The following TUBGCP5 variants were observed in gnomAD, a reference collection of about 807,000 sequenced individuals.
TUBGCP5 encodes tubulin gamma complex component 5, also known as gamma-tubulin complex component 5.
A neutral mutation model predicts 134.7 loss-of-function variants in TUBGCP5; 98 were observed. That is an observed-to-expected ratio of 0.73 (90% confidence interval 0.62 to 0.86). The LOEUF is 0.86. Ranked by LOEUF, TUBGCP5 falls within the 40% of genes least tolerant of loss-of-function variation. The pLI, the probability that TUBGCP5 is intolerant of heterozygous loss-of-function variation, is 0.00. For synonymous variants in TUBGCP5, 456 were observed against 431.4 expected (o/e 1.06, Z -0.71); for missense variants, 1,150 against 1,244.8 (o/e 0.92, Z 1.15).
chr15:23,024,245 C>T, intron 9 of TUBGCP5, 52 bp from the exon 10 acceptor site: 1 of 1,581,808 alleles, frequency 6.3e-7, no homozygotes, highest in Non-Finnish European at 8.6e-7. Flanking sequence ...TGTAAACATT[C>T]AAATTCATTT....
At chr15:22,988,012 A>G (rs2140338185) in intron 23 of TUBGCP5, among the ~76,000 whole-genome samples, 1 of 151,312 alleles carries the variant, frequency 6.6e-6, no homozygotes, top group African/African-American at 2.4e-5. Context: ...GGACCTCACC[A>G]GACACCCACT....
intron 23 of TUBGCP5, among the ~76,000 whole-genome samples, chr15:22,989,955 C>G (rs886266470): frequency 6.6e-6 from 1 of 152,166 alleles, no homozygotes; most frequent in African/African-American, 2.4e-5. Flanking sequence ...ACACGTCTCC[C>G]TGGTGCCCGC....
At chr15:22,998,372 G>A (rs140247050), downstream of TUBGCP5, among the ~76,000 whole-genome samples, 6 of 151,166 alleles carry the variant, frequency 4.0e-5, no homozygotes, top group African/African-American at 9.9e-5. Context: ...CCTAAGTGAA[G>A]TTGGCCTTTT....
rs1231100527 is a variant in TUBGCP5 at position 23,039,514 on chromosome 15, C to T, written c.30G>A (p.Arg10=). 6 of 1,502,782 alleles carry T rather than the reference C, an allele frequency of 4.0e-6. No homozygotes were observed. Among genetic ancestry groups the T allele is most frequent in the Non-Finnish European group, 5.4e-6 (6 of 1,117,528 alleles). 93.1% of individuals were successfully genotyped at this position (1,502,782 alleles called of 1,614,324 possible). MARHGPPWS[R]LDAQQERDVR... ...CGTCGCGCTCCTGCTGCGCGTCCAA[C>T]CGACTCCACGGTGGCCCGTGCCGCG... Residue 10 remains arginine (R), a synonymous_variant, in exon 1 of 23, where the codon CGG becomes CGA. Coordinates refer to ENST00000615383, the MANE Select transcript of TUBGCP5 (RefSeq NM_052903.6).
chr15:23,006,375 T>G (rs1319136236), intron 16 of TUBGCP5, 23 bp from the exon 17 acceptor site: 17 of 1,563,256 alleles, frequency 1.1e-5, no homozygotes, highest in Non-Finnish European at 1.5e-5. Context: ...ATTCCAGTTT[T>G]AGTTTGTGAA....
chr15:22,995,590 C>A (rs142495300), downstream of TUBGCP5, among the ~76,000 whole-genome samples: 3,800 of 138,366 alleles, frequency 0.027, 152 homozygotes, highest in African/African-American at 0.092. Context: ...AAAAAAAAAA[C>A]AAAACAAAAA....
intron 23 of TUBGCP5, among the ~76,000 whole-genome samples, chr15:22,986,378 C>T (rs951775151): frequency 7.9e-5 from 12 of 152,022 alleles, no homozygotes; most frequent in African/African-American, 2.9e-4. Context: ...AGACCATGTA[C>T]ATATTGTGGG....
At chr15:23,012,715 T>C (rs746519000) in intron 13 of TUBGCP5, among the ~76,000 whole-genome samples, 9 of 152,228 alleles carry the variant, frequency 5.9e-5, no homozygotes, top group Non-Finnish European at 8.8e-5. Context: ...AATTGCATCA[T>C]TTTCTTGAAA....
At chr15:22,994,081 T>C (rs2063957557) in intron 23 of TUBGCP5, among the ~76,000 whole-genome samples, 1 of 151,988 alleles carries the variant, frequency 6.6e-6, no homozygotes, top group African/African-American at 2.4e-5. Flanking sequence ...TCTCCAACAA[T>C]AGGGTCTTTT....
intron 6 of TUBGCP5, among the ~76,000 whole-genome samples, chr15:23,028,590 ATAAT>A (rs991259638): frequency 3.3e-5 from 5 of 152,164 alleles, no homozygotes; most frequent in Admixed American, 3.3e-4. Context: ...ACATTTATTC[ATAAT>A]TAAAGACTTC....
intron 6 of TUBGCP5, among the ~76,000 whole-genome samples, chr15:23,030,452 G>A (rs2066240060): frequency 6.6e-6 from 1 of 152,040 alleles, no homozygotes; most frequent in South Asian, 2.1e-4. Context: ...TCAAGTCCCT[G>A]ATATAAAATG....
At chr15:22,984,617 T>TA (rs2063628081) in intron 23 of TUBGCP5, among the ~76,000 whole-genome samples, 17 of 141,412 alleles carry the variant, frequency 1.2e-4, no homozygotes, top group African/African-American at 4.2e-4. Context: ...AGACTCCGTG[T>TA]TAAAAAAAAA....
At chr15:22,994,963 GC>G (rs1005285183), downstream of TUBGCP5, among the ~76,000 whole-genome samples, 23 of 152,168 alleles carry the variant, frequency 1.5e-4, no homozygotes, top group African/African-American at 3.6e-4. Context: ...TAAAAATAAG[GC>G]CGGGGGCAGT....
intron 7 of TUBGCP5, 145 bp downstream of exon 7, chr15:23,027,047 G>T (rs1032196592): frequency 3.0e-6 from 2 of 668,464 alleles, no homozygotes; most frequent in Non-Finnish European, 5.1e-6. Flanking sequence ...CGAAGAGTGA[G>T]AATCTGTCTC....
chr15:23,027,135 G>A (rs1003390261), intron 7 of TUBGCP5, 57 bp downstream of exon 7: 43 of 1,310,852 alleles, frequency 3.3e-5, no homozygotes, highest in South Asian at 1.1e-4. Flanking sequence ...AAAGCCAAAC[G>A]TTTAAACATC....
rs533341023 is a variant in TUBGCP5 at position 23,008,478 on chromosome 15, C to T, written c.2327+221G>A. The T allele has an allele frequency of 9.3e-4, 520 of 562,138 alleles. 3 individuals carry two copies. In the Middle Eastern group the frequency reaches 0.01, roughly 11 times the overall value. The allele number at this position is 562,138 out of a possible 1,614,324, so 34.8% of individuals were successfully genotyped here. On this transcript the variant is annotated intron_variant, in intron 16 of 22. Transcript: ENST00000615383. ...TTCACCATGTTGGCCAGGCTGGTCTCGAACTCCTGACCTCAGGTGATCCAC... is the reference window on the plus strand; with the variant it reads ...TTCACCATGTTGGCCAGGCTGGTCTTGAACTCCTGACCTCAGGTGATCCAC...
At chr15:23,024,297 A>C (rs11852309) in intron 9 of TUBGCP5, 104 bp from the exon 10 acceptor site, 2 of 1,302,792 alleles carry the variant, frequency 1.5e-6, no homozygotes, top group Non-Finnish European at 2.1e-6. Flanking sequence ...TGTTTTAAAC[A>C]GTATGTTTAG....
intron 23 of TUBGCP5, among the ~76,000 whole-genome samples, chr15:22,991,434 TGTG>T (rs1230655351): frequency 6.6e-6 from 1 of 152,188 alleles, no homozygotes; most frequent in Non-Finnish European, 1.5e-5. Context: ...CATGAATTGA[TGTG>T]GTGGCTTTGC....
At chr15:23,023,330 A>C (rs2065811444) in intron 10 of TUBGCP5, 2 of 144,712 alleles carry the variant, frequency 1.4e-5, no homozygotes, top group African/African-American at 2.7e-5. Context: ...ACTCCGTCTC[A>C]AATGAAAAAA....
Sources: allele counts gnomAD v4.1 joint callset (sites outside exome capture counted in the v4.1 genomes callset), GRCh38; gene constraint gnomAD v4.1.1; transcripts MANE v1.5; gene names NCBI Gene and HGNC (gene_info 2026-07-23, HGNC 2026-07-21).